CENPE: variants seen among roughly 807,000 people sequenced by gnomAD.
The protein encoded by CENPE is centromere protein E, also known as centromere-associated protein E.
A neutral mutation model predicts 336.1 loss-of-function variants in CENPE; 145 were observed. The observed-to-expected ratio is 0.43, with a 90% CI of 0.38 to 0.50. The LOEUF is 0.50. Among genes scored for constraint, CENPE ranks in the 20% least tolerant of loss-of-function variants. The pLI, the probability that CENPE is intolerant of heterozygous loss-of-function variation, is 0.00. For missense variants in CENPE, 2,719 were observed against 3,023.3 expected (o/e 0.90, Z 2.36); for synonymous variants, 1,013 against 984.8 (o/e 1.03, Z -0.54).
chr4:103,164,525 A>G (rs1192802126), intron 16 of CENPE, among the ~76,000 whole-genome samples: 2 of 152,118 alleles, frequency 1.3e-5, no homozygotes, highest in Non-Finnish European at 2.9e-5. Context: ...TGTCAGACAC[A>G]TATGTAATTT....
At chr4:103,175,382 A>C (rs1021261811) in intron 15 of CENPE, among the ~76,000 whole-genome samples, 1 of 152,026 alleles carries the variant, frequency 6.6e-6, no homozygotes, top group Non-Finnish European at 1.5e-5. Context: ...TGTAAAAAAA[A>C]CCCAAGAAAC....
chr4:103,141,951 T>G lies in CENPE; in HGVS notation c.5305-43A>C, dbSNP rs758171270. On this transcript the variant is annotated intron_variant, in intron 34 of 48. Transcript: ENST00000265148. ...TTTTAAAAACAGTGACATATCTTAA[T>G]ATTAGTTTTTAAAAAATAAAGTGAT... 14 of 1,190,998 alleles carry G rather than the reference T, an allele frequency of 1.2e-5. No homozygotes were observed. In the South Asian group the frequency reaches 1.8e-4, roughly 15 times the overall value. 73.8% of individuals were successfully genotyped at this position (1,190,998 alleles called of 1,614,324 possible). A position where few individuals can be genotyped will look rare whatever the true frequency, so the allele number is the denominator to read the frequency against.
At chr4:103,185,885 C>T in intron 8 of CENPE, 24 bp from the exon 9 acceptor site, 2 of 1,536,232 alleles carry the variant, frequency 1.3e-6, no homozygotes, top group East Asian at 4.5e-5. Context: ...AAAAATAAAT[C>T]CTTAGGGCAG....
rs751501263 is a variant in CENPE, at chr4:103,136,217, G to C, written c.6446C>G (p.Thr2149Ser). The C allele has an allele frequency of 1.2e-6, 2 of 1,613,852 alleles. No homozygotes were observed. Among genetic ancestry groups the C allele is most frequent in the Admixed American group, 3.3e-5 (2 of 60,020 alleles). Residue 2149 changes from threonine to serine, a missense_variant, in exon 40 of 49, where the codon ACC becomes AGC. Transcript: ENST00000265148. ...KANLSLPYLQ[T>S]KHIEKLFTAN... ...AGTAAAAAGTTTTTCAATGTGTTTG[G>C]TTTGTAAATAGGGAAGTGAGAGGTT...
Position 103,122,988 on chromosome 4 carries a change from T to C in CENPE, c.7026A>G (p.Leu2342=), listed in dbSNP as rs115015192. ...TCTTCAATGTTTGGTAGTTTTTAAA[T>C]AGTTTTTCATTTTTCTCTTTCAGTG... ...LKSLKEKNEK[L]FKNYQTLKTS... is the part of the protein sequence containing the mutation. The change falls in exon 43 of 49, where the codon CTA becomes CTG. Residue 2342 remains leucine (L), a synonymous_variant. Transcript: ENST00000265148. 3.7e-5 allele frequency: 59 copies of C among 1,613,820 alleles called. No homozygotes were observed. In the East Asian group the frequency reaches 1.2e-3, roughly 32 times the overall value.
intron 8 of CENPE, among the ~76,000 whole-genome samples, chr4:103,186,287 AT>A (rs1756760646): frequency 6.6e-6 from 1 of 152,124 alleles, no homozygotes; most frequent in East Asian, 1.9e-4. Context: ...CTAATGTTCT[AT>A]TCTGTCCTTA....
intron 33 of CENPE, among the ~76,000 whole-genome samples, 154 bp downstream of exon 33, chr4:103,144,177 C>A (rs1364138874): frequency 6.6e-6 from 1 of 152,170 alleles, no homozygotes; most frequent in Non-Finnish European, 1.5e-5. Context: ...ACCTCGTGAT[C>A]TGCCCGCCCT....
At chr4:103,193,584 G>A (rs1289457363) in intron 8 of CENPE, among the ~76,000 whole-genome samples, 1 of 152,018 alleles carries the variant, frequency 6.6e-6, no homozygotes, top group African/African-American at 2.4e-5. Context: ...ATTTAGTGTG[G>A]AAAGAAGGAA....
intron 8 of CENPE, among the ~76,000 whole-genome samples, chr4:103,187,264 A>G (rs1183220041): frequency 6.6e-6 from 1 of 152,142 alleles, no homozygotes; most frequent in East Asian, 1.9e-4. Context: ...AGGTTTGTTC[A>G]TTACGTTTTA....
chr4:103,158,781 G>C lies in CENPE; in HGVS notation c.2707C>G (p.Leu903Val). 6.2e-7 allele frequency: 1 copy of C among 1,613,076 alleles called. No individual in the cohort carries two copies. Among genetic ancestry groups the C allele is most frequent in the Non-Finnish European group, 8.5e-7 (1 of 1,179,404 alleles). ...GTTTTCTCCCTTTCTACAGTTTGCA[G>C]CGTAGAATCTCTATTTTCTAATTGT... ...KEQLENRDSTLQTVEREKTLI... is the reference protein window; with the variant it reads ...KEQLENRDSTVQTVEREKTLI... The change falls in exon 23 of 49, where the codon CTG becomes GTG. Residue 903 changes from leucine (L) to valine (V), a missense_variant. Coordinates refer to ENST00000265148, the MANE Select transcript of CENPE (RefSeq NM_001813.3).
intron 38 of CENPE, 97 bp downstream of exon 38, chr4:103,139,692 G>C (rs1752370978): frequency 8.5e-7 from 1 of 1,179,798 alleles, no homozygotes; most frequent in Non-Finnish European, 1.2e-6. Flanking sequence ...ACTGTTCATA[G>C]GAATTTCCAG....
rs757567932 is a variant in CENPE, at chr4:103,195,943, C to T, written c.334G>A (p.Asp112Asn). 1 of 1,613,070 alleles carries T rather than the reference C, an allele frequency of 6.2e-7. No individual in the cohort carries two copies. The highest frequency in any genetic ancestry group is 8.5e-7 in the Non-Finnish European group (1 of 1,179,164). The change falls in exon 4 of 49, where the codon GAC (aspartate) becomes AAC (asparagine). Residue 112 changes from aspartate to asparagine, a missense_variant. By Grantham distance (23) the Asp-to-Asn change is conservative. Around this residue, in one of 5 missense-constraint regions of CENPE, gnomAD observed 106 missense variants for 189.3 expected, o/e 0.56. Coordinates refer to ENST00000265148, the MANE Select transcript of CENPE (RefSeq NM_001813.3). Reference sequence around the variant, plus strand: ...ACCTTCTTAATTTTTTGGAAAATGTCATGAATTGCCCTGGGTATAACTCCC... The same window carrying T: ...ACCTTCTTAATTTTTTGGAAAATGTTATGAATTGCCCTGGGTATAACTCCC... ...HLGVIPRAIH[D>N]IFQKIKKFPD...
At chr4:103,197,755 G>C (rs184731803) in intron 1 of CENPE, among the ~76,000 whole-genome samples, 55 of 152,304 alleles carry the variant, frequency 3.6e-4, no homozygotes, top group African/African-American at 1.3e-3. Context: ...TAGAATGGAA[G>C]AGCCACTGGG....
intron 37 of CENPE, 31 bp downstream of exon 37, chr4:103,140,225 A>G (rs373679322): frequency 6.4e-7 from 1 of 1,563,334 alleles, no homozygotes; most frequent in Non-Finnish European, 8.6e-7. Flanking sequence ...GGGCACAGTT[A>G]CTTCCAAAAG....
intron 34 of CENPE, among the ~76,000 whole-genome samples, 175 bp downstream of exon 34, chr4:103,143,073 C>T (rs1216629568): frequency 6.9e-6 from 1 of 144,486 alleles, no homozygotes; most frequent in African/African-American, 2.5e-5. Context: ...TTGAGATAAT[C>T]ATACAATAAG....
At chr4:103,148,251 C>A (rs756623593) in intron 28 of CENPE, among the ~76,000 whole-genome samples, 7 of 152,188 alleles carry the variant, frequency 4.6e-5, no homozygotes, top group Non-Finnish European at 8.8e-5. Context: ...AGTTTCCAAG[C>A]TATAAGAGAA....
At chr4:103,112,668 C>G (rs1190509434) in intron 46 of CENPE, among the ~76,000 whole-genome samples, 25 of 123,046 alleles carry the variant, frequency 2.0e-4, no homozygotes, top group African/African-American at 7.4e-4. Flanking sequence ...ATATATAAGT[C>G]TGCATATATA....
At chr4:103,141,269 A>G (rs1223346970) in intron 35 of CENPE, among the ~76,000 whole-genome samples, 165 bp from the exon 36 acceptor site, 1 of 152,152 alleles carries the variant, frequency 6.6e-6, no homozygotes, top group African/African-American at 2.4e-5. Context: ...TATATAAAGC[A>G]TGCTCATCTT....
At chr4:103,179,118 T>C (rs1439608820) in intron 13 of CENPE, among the ~76,000 whole-genome samples, 1 of 152,184 alleles carries the variant, frequency 6.6e-6, no homozygotes, top group Non-Finnish European at 1.5e-5. Context: ...TTGCAAGTCA[T>C]TCCGGACACC....
Sources: gnomAD v4.1 joint callset for allele counts (sites outside exome capture counted in the v4.1 genomes callset) on GRCh38, gnomAD v4.1.1 for gene constraint, gnomAD v4.1.1 regional missense constraint, MANE v1.5 for transcripts, NCBI Gene and HGNC (gene_info 2026-07-23, HGNC 2026-07-21) for gene names.